Variants in HDAC9 observed in about 807,000 individuals in gnomAD.
The protein encoded by HDAC9 is MEF-2 interacting transcription repressor (MITR) protein.
A neutral mutation model predicts 139.4 loss-of-function variants in HDAC9; 41 were observed. That is an observed-to-expected ratio of 0.29 (90% confidence interval 0.23 to 0.38). The LOEUF is 0.38. Among genes scored for constraint, HDAC9 ranks in the 10% least tolerant of loss-of-function variants. The pLI, the probability that HDAC9 is intolerant of heterozygous loss-of-function variation, is 1.00. For synonymous variants in HDAC9, 517 were observed against 476.2 expected (o/e 1.09, Z -1.12); for missense variants, 1,147 against 1,297.0 (o/e 0.88, Z 1.78).
At position 18,835,962 on chromosome 7, in the gene HDAC9, T is replaced by A; in HGVS notation, c.2649T>A (p.Pro883=). The change falls in exon 21 of 26, where the codon CCT becomes CCA. Residue 883 remains proline, a synonymous_variant. Coordinates refer to ENST00000686413, the MANE Select transcript of HDAC9 (RefSeq NM_178425.4). ...TTGCCTGGACAGGTGGCCTTGATCC[T>A]CCCATGGGAGATGTTGAGTACCTTG... The part of the protein sequence containing the change: ...INIAWTGGLD[P]PMGDVEYLEA... 6.4e-7 allele frequency: 1 copy of A among 1,566,416 alleles called. No homozygotes were observed. Among genetic ancestry groups the A allele is most frequent in the Non-Finnish European group, 8.7e-7 (1 of 1,153,836 alleles).
intron 2 of HDAC9, among the ~76,000 whole-genome samples, chr7:18,561,705 G>A (rs1000229806): frequency 2.0e-5 from 3 of 152,094 alleles, no homozygotes; most frequent in South Asian, 2.1e-4. Context: ...CAAATATGTG[G>A]TCGCTTCTGA....
chr7:18,507,444 C>T (rs1322960165), intron 2 of HDAC9, among the ~76,000 whole-genome samples: 2 of 151,706 alleles, frequency 1.3e-5, no homozygotes, highest in African/African-American at 4.8e-5. Flanking sequence ...CCGCCCGCCT[C>T]GGCCTCCCAA....
At chr7:18,795,176 G>A (rs2028016) in intron 17 of HDAC9, among the ~76,000 whole-genome samples, 123,931 of 150,112 alleles carry the variant, frequency 0.83, 51,600 homozygotes, top group African/African-American at 0.89. Flanking sequence ...TATTTATATT[G>A]AGAACAACGA....
chr7:18,199,144 A>G (rs1790926227), intron 2 of HDAC9, among the ~76,000 whole-genome samples: 2 of 152,164 alleles, frequency 1.3e-5, no homozygotes, highest in Non-Finnish European at 2.9e-5. Context: ...GAGGACAACT[A>G]ACAGTTAAGA....
chr7:18,419,727 A>AT lies in HDAC9; in HGVS notation c.-41-76525dup, dbSNP rs549654755. ...AACAGACATTCCAGAAGTGTGACCC[A>AT]TTTTTTTTTTAATAAATCTTTTCTT... On this transcript the variant is annotated intron_variant, in intron 1 of 3. Transcript: ENST00000413509. Among the ~76,000 whole-genome samples, 93 of 150,022 alleles carry AT rather than the reference A, an allele frequency of 6.2e-4. 1 individual carries two copies. The highest frequency in any genetic ancestry group is 1.6e-3 in the East Asian group (8 of 5,118).
chr7:18,401,436 C>T (rs1286120937), intron 1 of HDAC9, among the ~76,000 whole-genome samples: 1 of 152,164 alleles, frequency 6.6e-6, no homozygotes, highest in African/African-American at 2.4e-5. Flanking sequence ...CTGCAAAACA[C>T]CGCATTCTTC....
intron 1 of HDAC9, among the ~76,000 whole-genome samples, chr7:18,378,256 T>TTAGAAAC (rs145717825): frequency 0.027 from 4,147 of 152,250 alleles, 133 homozygotes; most frequent in East Asian, 0.17. Context: ...GTCAAAACTA[T>TTAGAAAC]TAGAAACTTT....
intron 22 of HDAC9, among the ~76,000 whole-genome samples, chr7:18,904,960 G>A (rs182924509): frequency 7.2e-5 from 11 of 151,832 alleles, no homozygotes; most frequent in Non-Finnish European, 1.2e-4. Flanking sequence ...GTTCAGTGGC[G>A]GGATGTCCAC....
At chr7:18,718,469 G>A (rs1429909728) in intron 12 of HDAC9, among the ~76,000 whole-genome samples, 1 of 152,164 alleles carries the variant, frequency 6.6e-6, no homozygotes, top group African/African-American at 2.4e-5. Flanking sequence ...CTGAGGTTAG[G>A]CAATCCACCC....
chr7:18,242,078 A>C (rs79520372), intron 2 of HDAC9, among the ~76,000 whole-genome samples: 2,495 of 152,158 alleles, frequency 0.016, 76 homozygotes, highest in African/African-American at 0.057. Context: ...GATCCCATGC[A>C]TTTCCCCAGT....
At chr7:18,451,387 G>GTGTGTGTATATATATA (rs1792821276) in intron 1 of HDAC9, among the ~76,000 whole-genome samples, 1 of 138,640 alleles carries the variant, frequency 7.2e-6, no homozygotes, top group African/African-American at 2.6e-5. Context: ...GTGTGTGTGT[G>GTGTGTGTATATATATA]TGTGTGTGTG....
At chr7:18,329,767 A>T (rs1408945934) in intron 1 of HDAC9, among the ~76,000 whole-genome samples, 1 of 151,690 alleles carries the variant, frequency 6.6e-6, no homozygotes, top group African/African-American at 2.4e-5. Flanking sequence ...CCTCCATTTC[A>T]CATTACACTC....
chr7:18,375,855 A>G (rs971124227), intron 1 of HDAC9, among the ~76,000 whole-genome samples: 1 of 152,222 alleles, frequency 6.6e-6, no homozygotes, highest in Non-Finnish European at 1.5e-5. Context: ...GAGGAAATGC[A>G]TTAGGATCTG....
At chr7:18,872,011 C>A (rs1798959000) in intron 21 of HDAC9, among the ~76,000 whole-genome samples, 1 of 152,216 alleles carries the variant, frequency 6.6e-6, no homozygotes, top group South Asian at 2.1e-4. Flanking sequence ...ACCAATGTCA[C>A]CCTCCATAAC....
intron 1 of HDAC9, among the ~76,000 whole-genome samples, chr7:18,489,579 C>T (rs1416763075): frequency 2.0e-5 from 3 of 151,902 alleles, no homozygotes; most frequent in Admixed American, 1.3e-4. Context: ...GTATAGTAAT[C>T]ACCTTGATTG....
chr7:18,654,667 A>G (rs760493595), intron 11 of HDAC9, among the ~76,000 whole-genome samples: 7 of 152,032 alleles, frequency 4.6e-5, no homozygotes, highest in African/African-American at 7.2e-5. Context: ...TCCTAATTTT[A>G]TTTTTGTCTA....
chr7:18,615,986 T>C (rs1318831128), intron 6 of HDAC9, among the ~76,000 whole-genome samples: 2 of 152,146 alleles, frequency 1.3e-5, no homozygotes, highest in African/African-American at 2.4e-5. Context: ...TGGGAATGAA[T>C]CCCTCTCCTT....
chr7:18,400,299 A>G (rs767406296), intron 1 of HDAC9, among the ~76,000 whole-genome samples: 3 of 152,232 alleles, frequency 2.0e-5, no homozygotes, highest in Non-Finnish European at 4.4e-5. Context: ...TTTGGATTGT[A>G]AGGGTAGAAA....
At chr7:18,870,579 C>G (rs1462291759) in intron 21 of HDAC9, among the ~76,000 whole-genome samples, 2 of 151,980 alleles carry the variant, frequency 1.3e-5, no homozygotes, top group African/African-American at 4.8e-5. Flanking sequence ...TGTTATTTTC[C>G]TTTTTAGTAC....
Sources: allele counts gnomAD v4.1 joint callset (sites outside exome capture counted in the v4.1 genomes callset), GRCh38; gene constraint gnomAD v4.1.1; transcripts MANE v1.5; gene names NCBI Gene and HGNC (gene_info 2026-07-23, HGNC 2026-07-21).